The following PDZRN3 variants were observed in gnomAD, a reference collection of about 807,000 sequenced individuals.
The protein encoded by PDZRN3 is E3 ubiquitin-protein ligase PDZRN3.
In PDZRN3, 38 loss-of-function variants were observed where a neutral mutation model predicts 85.7. The ratio of observed to expected loss-of-function variants is 0.44; its 90% CI spans 0.34 to 0.58. PDZRN3 has a LOEUF of 0.58. Ranked by LOEUF, PDZRN3 falls within the 20% of genes least tolerant of loss-of-function variation. The pLI is 0.01. For missense variants in PDZRN3, 1,629 were observed against 1,506.4 expected, an observed-to-expected ratio of 1.08 and a Z score of -1.35; for synonymous variants, 759 against 638.0, an observed-to-expected ratio of 1.19 and a Z score of -2.86.
At chr3:73,508,342 C>G (rs949933702) in intron 3 of PDZRN3, among the ~76,000 whole-genome samples, 3 of 152,190 alleles carry the variant, frequency 2.0e-5, no homozygotes, top group Admixed American at 2.0e-4. Context: ...TAAACTCAGT[C>G]CTGCACTGTT....
At chr3:73,599,541 A>T (rs746843652) in intron 3 of PDZRN3, among the ~76,000 whole-genome samples, 45 of 152,228 alleles carry the variant, frequency 3.0e-4, no homozygotes, top group Non-Finnish European at 5.7e-4. Flanking sequence ...AGTTTATGCC[A>T]CTGCATAACC....
chr3:73,436,581 G>A (rs953371126), intron 3 of PDZRN3, among the ~76,000 whole-genome samples: 14 of 152,052 alleles, frequency 9.2e-5, no homozygotes, highest in Admixed American at 1.3e-4. Flanking sequence ...AATCAAAGTC[G>A]AAATGGGCCT....
intron 3 of PDZRN3, among the ~76,000 whole-genome samples, chr3:73,428,877 G>A (rs1702373274): frequency 6.6e-6 from 1 of 151,484 alleles, no homozygotes; most frequent in Admixed American, 6.6e-5. Context: ...GTCAAGGTGG[G>A]AGGAGAAGAT....
rs746042594 is a variant in PDZRN3, at chr3:73,384,131, G to A, written c.2435C>T (p.Thr812Met). Reference protein sequence around the residue: ...GPASKNLLSITEDPEVGTPTY... With the variant: ...GPASKNLLSIMEDPEVGTPTY... Reference sequence around the variant, plus strand: ...AGGGGTGCCCACTTCGGGATCTTCCGTGATGGAGAGCAGATTCTTGGAGGC... The same window carrying A: ...AGGGGTGCCCACTTCGGGATCTTCCATGATGGAGAGCAGATTCTTGGAGGC... Residue 812 changes from threonine to methionine, a missense_variant, in exon 10 of 10, where the codon ACG becomes ATG. By Grantham distance (81) the Thr-to-Met change is moderately conservative. Transcript: ENST00000263666. 19 of 1,613,966 alleles carry A rather than the reference G, an allele frequency of 1.2e-5. No individual in the cohort carries two copies. Among genetic ancestry groups the A allele is most frequent in the African/African-American group, 4.0e-5 (3 of 74,920 alleles).
At chr3:73,399,834 A>G (rs115850910) in intron 5 of PDZRN3, among the ~76,000 whole-genome samples, 218 of 152,320 alleles carry the variant, frequency 1.4e-3, no homozygotes, top group African/African-American at 5.1e-3. Flanking sequence ...GCCACTGGCA[A>G]CAAGTCCTTT....
At chr3:73,436,074 C>G (rs1420983267) in intron 3 of PDZRN3, among the ~76,000 whole-genome samples, 1 of 152,204 alleles carries the variant, frequency 6.6e-6, no homozygotes, top group African/African-American at 2.4e-5. Flanking sequence ...ATCCCCATCT[C>G]CGCTCAAATG....
At chr3:73,415,138 G>C (rs1306860787) in intron 3 of PDZRN3, among the ~76,000 whole-genome samples, 2 of 152,180 alleles carry the variant, frequency 1.3e-5, no homozygotes, top group East Asian at 1.9e-4. Context: ...TGACAGTCTG[G>C]TGAAGGAGAA....
chr3:73,579,964 A>C lies in PDZRN3; in HGVS notation c.918+22390T>G, dbSNP rs1265910566. Among the ~76,000 whole-genome samples the C allele has an allele frequency of 2.6e-5, 4 of 152,326 alleles. No homozygotes were observed. The East Asian group carries it at 7.7e-4, about 29-fold the overall frequency. Reference sequence around the variant, plus strand: ...GCAGCAATGATTCCCGATGAACTTAACCCATGAAAGGAAGGCCTTTCACAT... The same window carrying C: ...GCAGCAATGATTCCCGATGAACTTACCCCATGAAAGGAAGGCCTTTCACAT... On this transcript the variant is annotated intron_variant, in intron 3 of 9. Coordinates refer to ENST00000263666, the MANE Select transcript of PDZRN3 (RefSeq NM_015009.3).
intron 3 of PDZRN3, among the ~76,000 whole-genome samples, chr3:73,444,243 C>A (rs994053869): frequency 2.6e-5 from 4 of 152,178 alleles, no homozygotes; most frequent in Non-Finnish European, 5.9e-5. Flanking sequence ...CAATCCCATG[C>A]ATATTAAAGC....
chr3:73,425,992 C>T (rs1047616470), intron 3 of PDZRN3, among the ~76,000 whole-genome samples: 33 of 152,154 alleles, frequency 2.2e-4, no homozygotes, highest in South Asian at 1.0e-3. Flanking sequence ...CATTCTCTTC[C>T]GGCAGGAGAA....
chr3:73,617,158 A>C (rs2106915500), intron 1 of PDZRN3, among the ~76,000 whole-genome samples: 1 of 152,292 alleles, frequency 6.6e-6, no homozygotes, highest in African/African-American at 2.4e-5. Context: ...TGCTGATGCC[A>C]GGGGAAAAGC....
chr3:73,384,836 C>T lies in PDZRN3; in HGVS notation c.1730G>A (p.Ser577Asn), dbSNP rs754259490. ...CTCCGAGCTCTCGTCATTACGGGTG[C>T]TCTCGTCGGTCCGCCCCACACCGCT... is the stretch of plus-strand genomic sequence containing the variant. ...KDSGVGRTDE[S>N]TRNDESSEQE... Residue 577 changes from serine (S) to asparagine (N), a missense_variant, in exon 10 of 10, where the codon AGC (serine) becomes AAC (asparagine). Physicochemically the swap from Ser to Asn is conservative, Grantham distance 46. Coordinates refer to ENST00000263666, the MANE Select transcript of PDZRN3 (RefSeq NM_015009.3). 33 of 1,614,040 alleles carry T rather than the reference C, an allele frequency of 2.0e-5. 1 individual carries two copies. The highest frequency in any genetic ancestry group is 8.5e-7 in the Non-Finnish European group (1 of 1,180,046).
At chr3:73,568,611 C>T (rs980742383) in intron 3 of PDZRN3, among the ~76,000 whole-genome samples, 1 of 152,182 alleles carries the variant, frequency 6.6e-6, no homozygotes, top group Admixed American at 6.5e-5. Context: ...GTGAGACAGA[C>T]CGATGTCAGC....
chr3:73,403,483 T>C (rs953560215), intron 4 of PDZRN3, among the ~76,000 whole-genome samples: 7 of 152,164 alleles, frequency 4.6e-5, no homozygotes, highest in African/African-American at 1.7e-4. Flanking sequence ...CATTTTAATA[T>C]AGGAAAAATA....
chr3:73,522,824 T>G (rs1704402880), intron 3 of PDZRN3, among the ~76,000 whole-genome samples: 1 of 152,182 alleles, frequency 6.6e-6, no homozygotes, highest in Non-Finnish European at 1.5e-5. Flanking sequence ...CTAATATGAA[T>G]TACTTGTATC....
intron 3 of PDZRN3, chr3:73,474,624 G>A (rs1279356619): frequency 9.7e-6 from 12 of 1,232,540 alleles, no homozygotes; most frequent in East Asian, 5.7e-5. Context: ...AGAGTACTGA[G>A]CAAATGCTAT....
chr3:73,404,198 C>G lies in PDZRN3; in HGVS notation c.1116G>C (p.Lys372Asn), dbSNP rs1278120962. 3 of 1,614,070 alleles carry G rather than the reference C, an allele frequency of 1.9e-6. No homozygotes were observed. Among genetic ancestry groups the G allele is most frequent in the Non-Finnish European group, 2.5e-6 (3 of 1,179,962 alleles). ...GCACGGGTGGGCTGGGAGAGGACAT[C>G]TTAGTGAGGGCCATGATATGTTCAA... ...ITFEHIMALT[K>N]MSSPSPPVLD... Residue 372 changes from lysine (K) to asparagine (N), a missense_variant, in exon 4 of 10, where the codon AAG becomes AAC. Coordinates refer to ENST00000263666, the MANE Select transcript of PDZRN3 (RefSeq NM_015009.3).
chr3:73,601,534 T>C (rs1382276192), intron 3 of PDZRN3, among the ~76,000 whole-genome samples: 1 of 152,176 alleles, frequency 6.6e-6, no homozygotes, highest in East Asian at 1.9e-4. Flanking sequence ...CCAATCAATT[T>C]AGCCCATATG....
chr3:73,391,635 G>A (rs1280491463), intron 5 of PDZRN3, among the ~76,000 whole-genome samples: 3 of 152,226 alleles, frequency 2.0e-5, no homozygotes, highest in African/African-American at 7.2e-5. Context: ...CAACAGCTGT[G>A]ATATTTACAG....
Sources: allele counts gnomAD v4.1 joint callset (sites outside exome capture counted in the v4.1 genomes callset), GRCh38; gene constraint gnomAD v4.1.1; transcripts MANE v1.5; gene names NCBI Gene and HGNC (gene_info 2026-07-23, HGNC 2026-07-21).